The following ZNF541 variants were observed in gnomAD, a reference collection of about 807,000 sequenced individuals.
ZNF541 encodes zinc finger protein 541.
In ZNF541, 23 loss-of-function variants were observed where a neutral mutation model predicts 123.5. The observed-to-expected ratio is 0.19, with a 90% CI of 0.13 to 0.26. The LOEUF is 0.26. Among genes scored for constraint, ZNF541 ranks in the 10% least tolerant of loss-of-function variants. The pLI is 1.00. For missense variants in ZNF541, 1,612 were observed against 1,789.9 expected (o/e 0.90, Z 1.79); for synonymous variants, 751 against 754.5 (o/e 1.00, Z 0.08).
At chr19:47,546,699 G>A (rs771437079) in intron 4 of ZNF541, among the ~76,000 whole-genome samples, 4 of 152,074 alleles carry the variant, frequency 2.6e-5, no homozygotes, top group Non-Finnish European at 4.4e-5. Flanking sequence ...GGAGGTTCAC[G>A]ATGCACAGTA....
chr19:47,532,266 T>C lies in ZNF541; in HGVS notation c.3163A>G (p.Ile1055Val), dbSNP rs1257720214. ...DDTKISIEPH[I>V]NIGSRFQAEI... ...GCCTGAAACCGGCTTCCTATATTGA[T>C]ATGTCTGAAATGAGGCCACACACAG... Residue 1055 changes from isoleucine (I) to valine (V), a missense_variant, in exon 11 of 17, where the codon ATC becomes GTC. By Grantham distance (29) the Ile-to-Val change is conservative. This residue lies in a region of ZNF541 where 285 missense variants were observed against 407.3 expected (regional missense o/e 0.70). Coordinates refer to ENST00000391901, the MANE Select transcript of ZNF541 (RefSeq NM_001277075.3). 6.4e-7 allele frequency: 1 copy of C among 1,551,922 alleles called. No homozygotes were observed. Among genetic ancestry groups the C allele is most frequent in the Non-Finnish European group, 8.7e-7 (1 of 1,147,068 alleles).
At chr19:47,560,879 A>G (rs940520612) in intron 2 of ZNF541, among the ~76,000 whole-genome samples, 11 of 152,184 alleles carry the variant, frequency 7.2e-5, no homozygotes, top group Admixed American at 5.2e-4. Context: ...AATGTTCTTC[A>G]GGAATAAAAA....
At chr19:47,570,965 A>G (rs1009436712) in intron 2 of ZNF541, among the ~76,000 whole-genome samples, 4 of 151,872 alleles carry the variant, frequency 2.6e-5, no homozygotes, top group African/African-American at 9.7e-5. Flanking sequence ...AAAAAAAAAA[A>G]AAAGTTTGAG....
At chr19:47,540,806 C>A in intron 6 of ZNF541, 87 bp downstream of exon 6, 1 of 1,325,334 alleles carries the variant, frequency 7.5e-7, no homozygotes. Flanking sequence ...TGAAAGCATC[C>A]TCCCCACTCA....
intron 8 of ZNF541, 165 bp from the exon 9 acceptor site, chr19:47,538,604 C>T (rs774845587): frequency 1.5e-4 from 99 of 652,856 alleles, no homozygotes; most frequent in Non-Finnish European, 2.3e-4. Flanking sequence ...ACCTGACGTA[C>T]TGAGCCTGGC....
intron 2 of ZNF541, among the ~76,000 whole-genome samples, chr19:47,569,469 G>T (rs748337954): frequency 2.0e-5 from 3 of 151,966 alleles, no homozygotes; most frequent in African/African-American, 7.3e-5. Flanking sequence ...GTCTAATTTC[G>T]AAACCCTTAC....
chr19:47,521,632 C>G lies in ZNF541; in HGVS notation c.3734G>C (p.Arg1245Thr), dbSNP rs1969034172. The change falls in exon 16 of 17, where the codon AGA becomes ACA. Residue 1245 changes from arginine to threonine, a missense_variant. Transcript: ENST00000391901. The surrounding 1 kb of genome is among the most constrained non-coding windows in gnomAD (Gnocchi z 4.2). Reference protein sequence around the residue: ...EEKVPCSPRERPSHHPTPKLK... With the variant: ...EEKVPCSPRETPSHHPTPKLK... ...CTTGGGAGTTGGATGGTGGCTGGGT[C>G]TCTCCCGAGGGCTGCATGGGACCTG... The G allele has an allele frequency of 1.9e-6, 3 of 1,551,728 alleles. No individual in the cohort carries two copies. Among genetic ancestry groups the G allele is most frequent in the Non-Finnish European group, 2.6e-6 (3 of 1,146,966 alleles).
intron 14 of ZNF541, among the ~76,000 whole-genome samples, chr19:47,522,382 TG>T (rs772509724): frequency 4.6e-5 from 7 of 152,210 alleles, no homozygotes; most frequent in African/African-American, 7.2e-5. Context: ...TCTAAAGTCT[TG>T]GCAGGAAGTG....
At chr19:47,552,419 T>A (rs1044014546) in intron 3 of ZNF541, among the ~76,000 whole-genome samples, 1 of 152,254 alleles carries the variant, frequency 6.6e-6, no homozygotes, top group East Asian at 1.9e-4. Flanking sequence ...GTCTTTGTCC[T>A]CTGAGAAATT....
In ZNF541 at chr19:47,537,760, A is replaced by G. The variant is rs139079733; in HGVS notation, c.3094+382T>C. Among the ~76,000 whole-genome samples the G allele has an allele frequency of 9.8e-3, 1,492 of 151,976 alleles. 36 individuals carry two copies. Among genetic ancestry groups the G allele is most frequent in the African/African-American group, 0.034 (1,411 of 41,422 alleles). ...TGTGGTGATGCGCACCTGTAGTCCC[A>G]ACTATTTGGGAGTCTGAGGCTGGAG... On this transcript the variant is annotated intron_variant, in intron 9 of 16. Coordinates refer to ENST00000391901, the MANE Select transcript of ZNF541 (RefSeq NM_001277075.3).
chr19:47,560,097 G>A (rs1418366150), intron 2 of ZNF541, among the ~76,000 whole-genome samples: 1 of 151,916 alleles, frequency 6.6e-6, no homozygotes, highest in African/African-American at 2.4e-5. Flanking sequence ...GCCTTTTTTT[G>A]TACCTAACTG....
At position 47,531,728 on chromosome 19, in the gene ZNF541, C is replaced by A. The variant is rs751492696; in HGVS notation, c.3319G>T (p.Val1107Leu). The A allele has an allele frequency of 1.2e-5, 18 of 1,546,352 alleles. No individual in the cohort carries two copies. The Admixed American group carries it at 1.8e-4, about 15-fold the overall frequency. ...CCTGGCATCACGCTGGAGCATGCCA[C>A]ATTGCAGAGCTCGGTCACTGTTTCC... ...TQDRVTELCN[V>L]ACSSVMPGGG... Residue 1107 changes from valine (V) to leucine (L), a missense_variant, in exon 12 of 17, where the codon GTG becomes TTG. By Grantham distance (32) the Val-to-Leu change is conservative. Coordinates refer to ENST00000391901, the MANE Select transcript of ZNF541 (RefSeq NM_001277075.3).
Position 47,545,880 on chromosome 19 carries a change from A to T in ZNF541, c.649T>A (p.Tyr217Asn). 6.5e-7 allele frequency: 1 copy of T among 1,549,494 alleles called. No homozygotes were observed. The change falls in exon 5 of 17, where the codon TAC (tyrosine) becomes AAC (asparagine). Residue 217 changes from tyrosine (Y) to asparagine (N), a missense_variant. Physicochemically the swap from Tyr to Asn is moderately radical, Grantham distance 143. Around this residue, in one of 5 missense-constraint regions of ZNF541, gnomAD observed 212 missense variants for 289.6 expected, o/e 0.73. Coordinates refer to ENST00000391901, the MANE Select transcript of ZNF541 (RefSeq NM_001277075.3). The surrounding 1 kb of genome is among the most constrained non-coding windows in gnomAD (Gnocchi z 7.5). ...YCDYRSLRRH[Y>N]EVHHGLCILK... Reference sequence around the variant, plus strand: ...ATGCACAGGCCGTGATGGACCTCGTAGTGCCGGCGCAGAGAGCGGTAGTCG... The same window carrying T: ...ATGCACAGGCCGTGATGGACCTCGTTGTGCCGGCGCAGAGAGCGGTAGTCG...
rs948911031 is a variant in ZNF541 at position 47,544,873 on chromosome 19, G to C, written c.1656C>G (p.His552Gln). The change falls in exon 5 of 17, where the codon CAC (histidine) becomes CAG (glutamine). Residue 552 changes from histidine (H) to glutamine (Q), a missense_variant. Around this residue, in one of 5 missense-constraint regions of ZNF541, gnomAD observed 1,080 missense variants for 1,013.8 expected, o/e 1.07. Transcript: ENST00000391901. ...FLKSQEPLVS[H>Q]EQMQVFQMIT... ...TCATCTGGAACACCTGCATCTGCTC[G>C]TGGCTCACAAGAGGTTCCTGCGACT... 6 of 1,536,086 alleles carry C rather than the reference G, an allele frequency of 3.9e-6. No individual in the cohort carries two copies. The African/African-American group carries it at 6.8e-5, about 18-fold the overall frequency.
At chr19:47,569,614 G>A (rs756325310) in intron 2 of ZNF541, among the ~76,000 whole-genome samples, 3 of 152,040 alleles carry the variant, frequency 2.0e-5, no homozygotes, top group East Asian at 1.9e-4. Flanking sequence ...TGTAATCCCA[G>A]CACTTTCTGA....
intron 10 of ZNF541, 139 bp from the exon 11 acceptor site, chr19:47,532,409 G>C (rs1411408143): frequency 1.1e-5 from 10 of 928,718 alleles, no homozygotes; most frequent in African/African-American, 3.3e-5. Context: ...GGTGCATCAG[G>C]TACGTGCTGT....
chr19:47,542,876 G>A (rs542642004), intron 5 of ZNF541, among the ~76,000 whole-genome samples: 3 of 151,726 alleles, frequency 2.0e-5, no homozygotes, highest in Non-Finnish European at 4.4e-5. Flanking sequence ...CCCAGGAGGC[G>A]GAGGTTGCAA....
chr19:47,529,475 C>G, intron 13 of ZNF541, 102 bp downstream of exon 13: 9 of 1,232,440 alleles, frequency 7.3e-6, no homozygotes, highest in Admixed American at 2.2e-5. Flanking sequence ...GCAAAGGTCC[C>G]GAGGAGAACT....
chr19:47,544,423 C>T lies in ZNF541; in HGVS notation c.2106G>A (p.Gln702=), dbSNP rs1568498982. 2.6e-6 allele frequency: 4 copies of T among 1,551,618 alleles called. No homozygotes were observed. Among genetic ancestry groups the T allele is most frequent in the Non-Finnish European group, 3.5e-6 (4 of 1,147,010 alleles). The change falls in exon 5 of 17, where the codon CAG becomes CAA. Residue 702 remains glutamine, a synonymous_variant. Transcript: ENST00000391901. ...CTCCTGGTGGCTCCTCCCCACCTAA[C>T]TGGGTCTGCCGTTGGCCTGTGGAGG... ...IFPSTGQRQT[Q]LGGEEPPGAS... is the part of the protein sequence containing the mutation.
Sources: gnomAD v4.1 joint callset for allele counts (sites outside exome capture counted in the v4.1 genomes callset) on GRCh38, gnomAD v4.1.1 for gene constraint, gnomAD v4.1.1 regional missense constraint, Gnocchi (gnomAD v3.1) non-coding constraint, MANE v1.5 for transcripts, NCBI Gene and HGNC (gene_info 2026-07-23, HGNC 2026-07-21) for gene names.